Variants in ADGRG7 observed in about 807,000 individuals in gnomAD.
ADGRG7 encodes the protein G-protein coupled receptor 128.
In ADGRG7, 82 loss-of-function variants were observed where a neutral mutation model predicts 88.6. The observed-to-expected ratio is 0.93, with a 90% CI of 0.77 to 1.11. The LOEUF (loss-of-function observed/expected upper bound fraction) is 1.11. Ranked by LOEUF, ADGRG7 falls within the 50% of genes most tolerant of loss-of-function variation. ADGRG7 has a pLI of 0.00. For missense variants in ADGRG7, 945 were observed against 953.4 expected (o/e 0.99, Z 0.12); for synonymous variants, 381 against 345.2 (o/e 1.10, Z -1.15).
At chr3:100,624,301 G>A (rs929169748) in intron 1 of ADGRG7, among the ~76,000 whole-genome samples, 4 of 152,158 alleles carry the variant, frequency 2.6e-5, no homozygotes, top group African/African-American at 9.7e-5. Context: ...GTGAAGTTGA[G>A]CTTGTTTTCA....
intron 1 of ADGRG7, among the ~76,000 whole-genome samples, chr3:100,620,983 A>G (rs1559670100): frequency 6.6e-6 from 1 of 152,020 alleles, no homozygotes; most frequent in Non-Finnish European, 1.5e-5. Context: ...TTTCATTATT[A>G]TTATTTCTGT....
intron 15 of ADGRG7, among the ~76,000 whole-genome samples, chr3:100,670,196 CT>C (rs2094956689): frequency 1.3e-5 from 2 of 152,082 alleles, no homozygotes; most frequent in South Asian, 4.2e-4. Context: ...AATCATTCTA[CT>C]CTCTATCTCC....
At chr3:100,635,231 A>ACC (rs10662752) in intron 4 of ADGRG7, among the ~76,000 whole-genome samples, 96,915 of 151,700 alleles carry the variant, frequency 0.64, 32,033 homozygotes, top group East Asian at 0.99. Flanking sequence ...TTTGTGAAAT[A>ACC]ATAAAAATAA....
At chr3:100,621,528 G>C (rs1055051084) in intron 1 of ADGRG7, among the ~76,000 whole-genome samples, 6 of 152,170 alleles carry the variant, frequency 3.9e-5, no homozygotes, top group African/African-American at 1.4e-4. Context: ...GCCTAATCCA[G>C]AACAAGGCTC....
chr3:100,614,051 A>G (rs1362369375), intron 1 of ADGRG7, among the ~76,000 whole-genome samples: 1 of 152,220 alleles, frequency 6.6e-6, no homozygotes, highest in Non-Finnish European at 1.5e-5. Flanking sequence ...TTAAAAATTT[A>G]AGATGATGTC....
At chr3:100,642,042 G>C (rs1281108973) in intron 6 of ADGRG7, among the ~76,000 whole-genome samples, 1 of 152,142 alleles carries the variant, frequency 6.6e-6, no homozygotes, top group African/African-American at 2.4e-5. Flanking sequence ...GTACAAGAAA[G>C]AAAAAATGAC....
chr3:100,613,247 T>A (rs1245490294), intron 1 of ADGRG7, among the ~76,000 whole-genome samples: 1 of 152,214 alleles, frequency 6.6e-6, no homozygotes, highest in Non-Finnish European at 1.5e-5. Context: ...TGAGAGTTTA[T>A]TGTTTGTCAA....
intron 3 of ADGRG7, among the ~76,000 whole-genome samples, chr3:100,631,850 T>C (rs997315482): frequency 2.6e-5 from 4 of 152,112 alleles, no homozygotes; most frequent in Non-Finnish European, 5.9e-5. Flanking sequence ...CACCCATATA[T>C]ATCATTGTGT....
intron 2 of ADGRG7, among the ~76,000 whole-genome samples, chr3:100,630,122 A>G (rs1432480030): frequency 1.3e-5 from 2 of 152,152 alleles, no homozygotes; most frequent in Non-Finnish European, 2.9e-5. Context: ...TACTTATATT[A>G]AATTTTTATC....
At chr3:100,629,514 G>T (rs563972148) in intron 1 of ADGRG7, 84 bp from the exon 2 acceptor site, 1 of 815,188 alleles carries the variant, frequency 1.2e-6, no homozygotes, top group Non-Finnish European at 2.1e-6. Context: ...GTGGTTTTAC[G>T]TGTAGAAATT....
chr3:100,684,194 C>A (rs1001903193), intron 15 of ADGRG7, among the ~76,000 whole-genome samples: 1 of 151,768 alleles, frequency 6.6e-6, no homozygotes, highest in Non-Finnish European at 1.5e-5. Flanking sequence ...TAACTTATCT[C>A]TTTTTAGACC....
At chr3:100,665,145 C>G in intron 14 of ADGRG7, 1 of 536,906 alleles carries the variant, frequency 1.9e-6, no homozygotes, top group Non-Finnish European at 3.8e-6. Flanking sequence ...GCTGTCTGGA[C>G]TAGCTTATTC....
At chr3:100,671,843 T>G (rs1306112408) in intron 15 of ADGRG7, among the ~76,000 whole-genome samples, 1 of 152,188 alleles carries the variant, frequency 6.6e-6, no homozygotes, top group Non-Finnish European at 1.5e-5. Flanking sequence ...GTGTGTCAGA[T>G]TTGTCAAAGG....
intron 13 of ADGRG7, among the ~76,000 whole-genome samples, chr3:100,656,407 C>T (rs976005626): frequency 1.2e-4 from 19 of 152,210 alleles, no homozygotes; most frequent in Admixed American, 8.5e-4. Flanking sequence ...TTTAATAACT[C>T]GAACACTATA....
intron 1 of ADGRG7, among the ~76,000 whole-genome samples, chr3:100,628,268 T>TA (rs1707409423): frequency 6.6e-6 from 1 of 152,192 alleles, no homozygotes; most frequent in Non-Finnish European, 1.5e-5. Flanking sequence ...AGTTTTTTTT[T>TA]TAAAAACGTT....
intron 14 of ADGRG7, among the ~76,000 whole-genome samples, chr3:100,664,324 C>G (rs150309635): frequency 1.3e-5 from 2 of 152,030 alleles, no homozygotes; most frequent in African/African-American, 4.8e-5. Context: ...TTAACCTAGA[C>G]GCAAAACTGT....
chr3:100,651,706 A>T (rs1338834794), intron 11 of ADGRG7, among the ~76,000 whole-genome samples: 2 of 152,190 alleles, frequency 1.3e-5, no homozygotes, highest in Admixed American at 1.3e-4. Context: ...AAAGAGAGAA[A>T]AAACAAAACA....
chr3:100,635,418 A>C, intron 4 of ADGRG7: 1 of 470,382 alleles, frequency 2.1e-6, no homozygotes, highest in Non-Finnish European at 3.3e-6. Flanking sequence ...CCATGGATAC[A>C]CTCTAGTAGC....
rs778196513 is a variant in ADGRG7 at position 100,609,946 on chromosome 3, G to T, written c.90G>T (p.Trp30Cys). ...GCATCATTTTGGGACTGGGCATCTG[G>T]AGGATTGTGATCAGGATCCAAAGAG... ...LTGIILGLGI[W>C]RIVIRIQRGK... Residue 30 changes from tryptophan to cysteine, a missense_variant, in exon 1 of 16, where the codon TGG becomes TGT. Physicochemically the swap from Trp to Cys is radical, Grantham distance 215. Coordinates refer to ENST00000273352, the MANE Select transcript of ADGRG7 (RefSeq NM_032787.3). The T allele has an allele frequency of 6.2e-7, 1 of 1,613,608 alleles. No individual in the cohort carries two copies. Among genetic ancestry groups the T allele is most frequent in the South Asian group, 1.1e-5 (1 of 91,054 alleles).
Sources: gnomAD v4.1 joint callset for allele counts (sites outside exome capture counted in the v4.1 genomes callset) on GRCh38, gnomAD v4.1.1 for gene constraint, MANE v1.5 for transcripts, NCBI Gene and HGNC (gene_info 2026-07-23, HGNC 2026-07-21) for gene names.